The following CNTN4 variants were observed in gnomAD, a reference collection of about 807,000 sequenced individuals.
CNTN4 encodes contactin-4.
A neutral mutation model predicts 122.5 loss-of-function variants in CNTN4; 77 were observed. That is an observed-to-expected ratio of 0.63 (90% CI 0.52 to 0.76). The LOEUF (loss-of-function observed/expected upper bound fraction) is 0.76, where lower values mean the gene tolerates loss of function less well. Among genes scored for constraint, CNTN4 ranks in the 30% least tolerant of loss-of-function variants. The pLI is 0.00. For synonymous variants in CNTN4, 512 were observed against 447.0 expected, an observed-to-expected ratio of 1.15 and a Z score of -1.83; for missense variants, 1,256 against 1,259.1, an observed-to-expected ratio of 1.00 and a Z score of 0.04.
chr3:2,128,120 G>A (rs1047770395), intron 2 of CNTN4, among the ~76,000 whole-genome samples: 3 of 152,186 alleles, frequency 2.0e-5, no homozygotes, highest in African/African-American at 4.8e-5. Context: ...GGTTGGTAAT[G>A]ATTATACAGT....
rs1457970224 is a variant in CNTN4 at position 2,098,944 on chromosome 3, C to G, written c.-261C>G. ...CCTCGGACTGTGCCGGCGCCGCACCCGAGGCTCTCGCCAGCCCGGCGCCCC... is the reference window on the plus strand; with the variant it reads ...CCTCGGACTGTGCCGGCGCCGCACCGGAGGCTCTCGCCAGCCCGGCGCCCC... On this transcript the variant is annotated 5_prime_UTR_variant, in exon 1 of 25. Coordinates refer to ENST00000418658, the MANE Select transcript of CNTN4 (RefSeq NM_175607.3). The G allele has an allele frequency of 6.6e-6, 1 of 152,218 alleles. No homozygotes were observed. The highest frequency in any genetic ancestry group is 1.5e-5 in the Non-Finnish European group (1 of 68,076). 9.4% of individuals were successfully genotyped at this position (152,218 alleles called of 1,614,324 possible). A position where few individuals can be genotyped will look rare whatever the true frequency, so the allele number is the denominator to read the frequency against.
At chr3:2,748,139 C>T (rs569017346) in intron 6 of CNTN4, among the ~76,000 whole-genome samples, 6 of 152,166 alleles carry the variant, frequency 3.9e-5, no homozygotes, top group Non-Finnish European at 7.3e-5. Flanking sequence ...ACACTGGGGA[C>T]AGTAGTATCT....
At chr3:2,475,991 G>A (rs1003335251) in intron 3 of CNTN4, among the ~76,000 whole-genome samples, 1 of 152,110 alleles carries the variant, frequency 6.6e-6, no homozygotes, top group African/African-American at 2.4e-5. Context: ...TTGTAGTTTG[G>A]GAATACTTGC....
chr3:2,126,360 A>G (rs1435403770), intron 2 of CNTN4, among the ~76,000 whole-genome samples: 1 of 152,174 alleles, frequency 6.6e-6, no homozygotes, highest in African/African-American at 2.4e-5. Flanking sequence ...ATTTCCTAGG[A>G]TTAAAATGCT....
chr3:2,801,825 T>C (rs2092354858), intron 6 of CNTN4, among the ~76,000 whole-genome samples: 1 of 152,166 alleles, frequency 6.6e-6, no homozygotes, highest in Non-Finnish European at 1.5e-5. Context: ...GGTTTAATTC[T>C]AAGCAAACCT....
chr3:2,478,450 T>C (rs1337578118), intron 3 of CNTN4, among the ~76,000 whole-genome samples: 2 of 149,942 alleles, frequency 1.3e-5, no homozygotes, highest in East Asian at 2.0e-4. Flanking sequence ...AGTTCAGAGG[T>C]ACATGTGTGG....
intron 4 of CNTN4, among the ~76,000 whole-genome samples, chr3:2,590,361 A>G (rs1011189167): frequency 3.3e-5 from 5 of 152,058 alleles, no homozygotes; most frequent in Admixed American, 6.6e-5. Context: ...GGTTCAAGCA[A>G]TTCTCATGCC....
At chr3:2,116,403 A>G (rs1454227863) in intron 2 of CNTN4, among the ~76,000 whole-genome samples, 2 of 152,098 alleles carry the variant, frequency 1.3e-5, no homozygotes, top group Non-Finnish European at 2.9e-5. Context: ...GGTAATTGCT[A>G]CAAAATGTCA....
intron 3 of CNTN4, among the ~76,000 whole-genome samples, chr3:2,469,144 C>T (rs1010496145): frequency 1.3e-5 from 2 of 152,168 alleles, no homozygotes; most frequent in African/African-American, 4.8e-5. Flanking sequence ...TAATTTTGCA[C>T]AAACCAAGAT....
chr3:2,552,174 G>C (rs1282421790), intron 3 of CNTN4, among the ~76,000 whole-genome samples: 1 of 152,046 alleles, frequency 6.6e-6, no homozygotes, highest in African/African-American at 2.4e-5. Context: ...ATAGATCTAG[G>C]CTGCAGTCTG....
intron 15 of CNTN4, among the ~76,000 whole-genome samples, chr3:3,026,778 T>A (rs1276273337): frequency 1.3e-5 from 2 of 152,178 alleles, no homozygotes; most frequent in East Asian, 3.9e-4. Context: ...ATGGGGTTAT[T>A]TACTATCTCC....
intron 3 of CNTN4, among the ~76,000 whole-genome samples, chr3:2,432,688 A>G (rs2048120478): frequency 6.6e-6 from 1 of 152,000 alleles, no homozygotes; most frequent in South Asian, 2.1e-4. Context: ...GTATGTATAT[A>G]TATACCACAT....
chr3:2,598,310 A>G (rs756921092), intron 4 of CNTN4, among the ~76,000 whole-genome samples: 1 of 152,316 alleles, frequency 6.6e-6, no homozygotes, highest in East Asian at 1.9e-4. Flanking sequence ...GGTATTAGCA[A>G]GTACAATTGC....
chr3:2,837,116 C>G (rs887381762), intron 7 of CNTN4, among the ~76,000 whole-genome samples: 1 of 152,110 alleles, frequency 6.6e-6, no homozygotes, highest in African/African-American at 2.4e-5. Flanking sequence ...AGAATGGTTT[C>G]TATGGTTGAA....
chr3:2,633,687 G>A (rs182954055), intron 4 of CNTN4, among the ~76,000 whole-genome samples: 10 of 152,226 alleles, frequency 6.6e-5, no homozygotes, highest in East Asian at 5.8e-4. Flanking sequence ...GTAGTCCACC[G>A]CCTATAAAGG....
chr3:2,650,350 T>C (rs768784096), intron 4 of CNTN4, among the ~76,000 whole-genome samples: 18 of 152,146 alleles, frequency 1.2e-4, no homozygotes, highest in Non-Finnish European at 2.4e-4. Context: ...TTGCTTCTTA[T>C]AGATAAGCAA....
chr3:2,747,415 AAAATAAAAATAAAAATAAAAAAT>A (rs771944555), intron 6 of CNTN4, among the ~76,000 whole-genome samples: 683 of 30,544 alleles, frequency 0.022, 2 homozygotes, highest in Middle Eastern at 0.029. Flanking sequence ...TCTAAAAAAA[AAAATAAAAATAAAAATAAAAAAT>A]AAAATACTAT....
intron 14 of CNTN4, among the ~76,000 whole-genome samples, chr3:3,002,874 A>G (rs1169068609): frequency 6.6e-6 from 1 of 152,212 alleles, no homozygotes; most frequent in Non-Finnish European, 1.5e-5. Context: ...TACATGCATC[A>G]GGTTATGGTC....
At chr3:2,628,584 G>A (rs2082297535) in intron 4 of CNTN4, among the ~76,000 whole-genome samples, 1 of 152,212 alleles carries the variant, frequency 6.6e-6, no homozygotes, top group Admixed American at 6.5e-5. Context: ...AGGGAGTGAT[G>A]AAGTGGGATT....
Sources: gnomAD v4.1 joint callset for allele counts (sites outside exome capture counted in the v4.1 genomes callset) on GRCh38, gnomAD v4.1.1 for gene constraint, MANE v1.5 for transcripts, NCBI Gene and HGNC (gene_info 2026-07-23, HGNC 2026-07-21) for gene names.